DMD: variants seen among roughly 807,000 people sequenced by gnomAD.
DMD encodes mutant dystrophin.
In DMD, 63 loss-of-function variants were observed where a neutral mutation model predicts 330.1. The ratio of observed to expected loss-of-function variants is 0.19; its 90% confidence interval spans 0.16 to 0.24. The LOEUF (loss-of-function observed/expected upper bound fraction) is 0.24, where lower values mean the gene tolerates loss of function less well. Among genes scored for constraint, DMD ranks in the 10% least tolerant of loss-of-function variants. DMD has a pLI of 1.00. For missense variants in DMD, 3,344 were observed against 2,684.1 expected (o/e 1.25, Z -5.43); for synonymous variants, 1,223 against 959.8 (o/e 1.27, Z -5.07).
At chrX:31,575,571 C>T (rs1036290038) in intron 55 of DMD, among the ~76,000 whole-genome samples, 1 of 111,631 alleles carries the variant, frequency 9.0e-6, no homozygotes, top group East Asian at 2.8e-4. Context: ...TTAGAGTTTT[C>T]CTTTGGTACT....
In DMD at chrX:31,653,442, G is replaced by A. The variant is rs192751616; in HGVS notation, c.8027+4548C>T. 1.8e-3 allele frequency among the ~76,000 whole-genome samples: 202 copies of A among 110,581 alleles called. 1 individual carries two copies. The highest frequency in any genetic ancestry group is 5.8e-3 in the African/African-American group (176 of 30,488). ...CCTAGAGGGATTTTTTAGTATCTGG[G>A]AGCTTAGCTAAGGAACTTCTAGGCA... On this transcript the variant is annotated intron_variant, in intron 54 of 78. Transcript: ENST00000357033.
intron 1 of DMD, among the ~76,000 whole-genome samples, chrX:33,099,522 T>C (rs1409383852): frequency 9.0e-6 from 1 of 111,460 alleles, no homozygotes; most frequent in Non-Finnish European, 1.9e-5. Context: ...TGATCTCTGA[T>C]AGATAAGCAT....
At chrX:31,341,880 CGT>C (rs1412475510) in intron 61 of DMD, among the ~76,000 whole-genome samples, 133 of 67,736 alleles carry the variant, frequency 2.0e-3, no homozygotes, top group Admixed American at 9.5e-3. Context: ...TGCGCGCGTG[CGT>C]GCGCGCGCGC....
intron 12 of DMD, among the ~76,000 whole-genome samples, chrX:32,601,515 G>A (rs1476210128): frequency 9.0e-6 from 1 of 111,540 alleles, no homozygotes; most frequent in East Asian, 2.8e-4. Context: ...GCCTGAAGGG[G>A]ACTCAATAAA....
intron 55 of DMD, among the ~76,000 whole-genome samples, chrX:31,613,483 C>T (rs5972418): frequency 0.027 from 3,002 of 111,589 alleles, 49 homozygotes; most frequent in Non-Finnish European, 0.041. Flanking sequence ...TCTACCCCAA[C>T]TGATATCAAC....
At position 31,527,001 on chromosome X, in the gene DMD, T is replaced by A. The variant is rs748881968; in HGVS notation, c.8218-19548A>T. Among the ~76,000 whole-genome samples the A allele has an allele frequency of 1.6e-4, 18 of 110,768 alleles. No homozygotes were observed. The South Asian group carries it at 7.0e-3, about 43-fold the overall frequency. ...GGCACGTGCCTGTAGTCCCAGCCACTTGGGAGGCTGAGGTGGGAGGGAGGA... is the reference window on the plus strand; with the variant it reads ...GGCACGTGCCTGTAGTCCCAGCCACATGGGAGGCTGAGGTGGGAGGGAGGA... On this transcript the variant is annotated intron_variant, in intron 55 of 78. Transcript: ENST00000357033.
At chrX:31,541,251 CTT>C (rs2073791114) in intron 55 of DMD, among the ~76,000 whole-genome samples, 1 of 111,466 alleles carries the variant, frequency 9.0e-6, no homozygotes, top group East Asian at 2.8e-4. Context: ...TATTGAAAAA[CTT>C]TTGTGTATGT....
intron 1 of DMD, among the ~76,000 whole-genome samples, chrX:33,085,328 T>C (rs895913531): frequency 1.8e-5 from 2 of 111,756 alleles, no homozygotes; most frequent in Non-Finnish European, 3.8e-5. Context: ...CAGTATTTTA[T>C]GGTAATTATT....
Position 33,241,321 on chromosome X carries a change from G to A in DMD, c.7+97938C>T, listed in dbSNP as rs762325293. Among the ~76,000 whole-genome samples the A allele has an allele frequency of 1.3e-4, 14 of 111,659 alleles. No homozygotes were observed. The South Asian group carries it at 3.0e-3, about 24-fold the overall frequency. ...ATTTATTGAGAAGATTGTTCTTTTC[G>A]CATTGGATATACCTGGTACCATTGT... On this transcript the variant is annotated intron_variant, in intron 1 of 17. Coordinates refer to the DMD transcript ENST00000288447.
intron 45 of DMD, among the ~76,000 whole-genome samples, chrX:31,951,978 A>T (rs2095187152): frequency 9.0e-6 from 1 of 110,994 alleles, no homozygotes; most frequent in Admixed American, 9.6e-5. Context: ...TTTATGCGGA[A>T]TTCTTGGTTG....
At chrX:31,509,545 T>C (rs2071283979) in intron 55 of DMD, among the ~76,000 whole-genome samples, 1 of 111,991 alleles carries the variant, frequency 8.9e-6, no homozygotes, top group Non-Finnish European at 1.9e-5. Flanking sequence ...TTAACATACA[T>C]ATAAAGGATA....
chrX:32,222,210 T>C (rs1388748166), intron 43 of DMD, among the ~76,000 whole-genome samples: 1 of 111,988 alleles, frequency 8.9e-6, no homozygotes, highest in Non-Finnish European at 1.9e-5. Context: ...ACCAGCAGTG[T>C]ACAAATGTTC....
intron 1 of DMD, among the ~76,000 whole-genome samples, chrX:33,233,130 G>C (rs1457783283): frequency 9.0e-6 from 1 of 111,116 alleles, no homozygotes; most frequent in Non-Finnish European, 1.9e-5. Flanking sequence ...TCATTAACCT[G>C]ATTTAATCAC....
At chrX:31,982,367 T>G (rs1488736629) in intron 44 of DMD, among the ~76,000 whole-genome samples, 1 of 111,490 alleles carries the variant, frequency 9.0e-6, no homozygotes, top group Non-Finnish European at 1.9e-5. Flanking sequence ...TTGTGTTATT[T>G]GACATGGTGA....
intron 2 of DMD, among the ~76,000 whole-genome samples, chrX:32,882,418 G>A (rs1356960988): frequency 8.9e-6 from 1 of 111,979 alleles, no homozygotes; most frequent in East Asian, 2.8e-4. Flanking sequence ...TCTGTTAACT[G>A]ACCCTGGCTG....
At chrX:31,988,814 A>G (rs1053990500) in intron 44 of DMD, among the ~76,000 whole-genome samples, 1 of 110,393 alleles carries the variant, frequency 9.1e-6, no homozygotes, top group African/African-American at 3.3e-5. Flanking sequence ...TCTCGAAACC[A>G]GAGAGGGAGA....
At chrX:31,522,359 C>CTA (rs1163138588) in intron 55 of DMD, among the ~76,000 whole-genome samples, 659 of 53,787 alleles carry the variant, frequency 0.012, 6 homozygotes, top group Non-Finnish European at 0.015. Context: ...CTCTCTCTCT[C>CTA]TCTCTATATA....
chrX:31,965,310 T>C (rs1318941355), intron 45 of DMD, among the ~76,000 whole-genome samples: 1 of 111,839 alleles, frequency 8.9e-6, no homozygotes, highest in Non-Finnish European at 1.9e-5. Flanking sequence ...TGGACTTCTT[T>C]GGCAATCTGT....
intron 59 of DMD, among the ~76,000 whole-genome samples, chrX:31,472,895 T>C (rs1253342520): frequency 1.8e-5 from 2 of 112,408 alleles, no homozygotes; most frequent in African/African-American, 6.5e-5. Flanking sequence ...TTGACAAAAA[T>C]GCGATATGCA....
Sources: gnomAD v4.1 joint callset for allele counts (sites outside exome capture counted in the v4.1 genomes callset) on GRCh38, gnomAD v4.1.1 for gene constraint, MANE v1.5 for transcripts, NCBI Gene and HGNC (gene_info 2026-07-23, HGNC 2026-07-21) for gene names.